The following KCNQ3 variants were observed in gnomAD, a reference collection of about 807,000 sequenced individuals.
KCNQ3 encodes potassium voltage-gated channel subfamily KQT member 3.
A neutral mutation model predicts 92.5 loss-of-function variants in KCNQ3; 30 were observed. That is an observed-to-expected ratio of 0.32 (90% CI 0.24 to 0.44). The LOEUF (loss-of-function observed/expected upper bound fraction) is 0.44. Ranked by LOEUF, KCNQ3 falls within the 20% of genes least tolerant of loss-of-function variation. The pLI is 1.00. For missense variants in KCNQ3, 913 were observed against 1,140.3 expected, an observed-to-expected ratio of 0.80 and a Z score of 2.87; for synonymous variants, 450 against 468.8, an observed-to-expected ratio of 0.96 and a Z score of 0.52.
intron 1 of KCNQ3, among the ~76,000 whole-genome samples, chr8:132,438,650 G>A (rs866025852): frequency 3.9e-5 from 6 of 151,908 alleles, no homozygotes; most frequent in Middle Eastern, 3.4e-3. Flanking sequence ...GCCCTGGCTT[G>A]GGTGGTCTGG....
At chr8:132,442,912 C>T (rs1466179239) in intron 1 of KCNQ3, among the ~76,000 whole-genome samples, 1 of 152,170 alleles carries the variant, frequency 6.6e-6, no homozygotes, top group Admixed American at 6.5e-5. Context: ...CACCCAGCCC[C>T]TTCTCCCTAT....
chr8:132,171,771 C>T (rs1275128604), intron 7 of KCNQ3, among the ~76,000 whole-genome samples: 1 of 152,094 alleles, frequency 6.6e-6, no homozygotes, highest in Non-Finnish European at 1.5e-5. Context: ...CCTATGGGTC[C>T]CTAGGCCAAA....
intron 1 of KCNQ3, among the ~76,000 whole-genome samples, chr8:132,277,108 C>T (rs1038393135): frequency 1.3e-5 from 2 of 151,842 alleles, no homozygotes; most frequent in African/African-American, 4.8e-5. Context: ...TTGATTAAAA[C>T]TTATTATGTG....
At chr8:132,429,861 CAAAAAAAA>C (rs374921143) in intron 1 of KCNQ3, among the ~76,000 whole-genome samples, 2 of 64,102 alleles carry the variant, frequency 3.1e-5, no homozygotes, top group South Asian at 5.8e-4. Context: ...AACTCCTTCT[CAAAAAAAA>C]AAAAAAAAAA....
At chr8:132,221,130 T>C (rs1262746290) in intron 1 of KCNQ3, among the ~76,000 whole-genome samples, 2 of 152,204 alleles carry the variant, frequency 1.3e-5, no homozygotes, top group Non-Finnish European at 2.9e-5. Flanking sequence ...TCCATGTCCC[T>C]GCAAAGGACA....
At chr8:132,403,550 C>G (rs1820403562) in intron 1 of KCNQ3, among the ~76,000 whole-genome samples, 1 of 152,220 alleles carries the variant, frequency 6.6e-6, no homozygotes, top group African/African-American at 2.4e-5. Flanking sequence ...CCTCTCCATG[C>G]CTTAAAAATG....
At chr8:132,399,376 A>G (rs909422366) in intron 1 of KCNQ3, among the ~76,000 whole-genome samples, 1 of 152,144 alleles carries the variant, frequency 6.6e-6, no homozygotes, top group Non-Finnish European at 1.5e-5. Flanking sequence ...CCTGTCCCTC[A>G]GGAAGACACT....
At chr8:132,418,048 T>A (rs1820867933) in intron 1 of KCNQ3, among the ~76,000 whole-genome samples, 1 of 151,998 alleles carries the variant, frequency 6.6e-6, no homozygotes, top group Admixed American at 6.6e-5. Context: ...CAGAGGAGAT[T>A]TCCTGAGATC....
chr8:132,480,429 G>C lies in KCNQ3; in HGVS notation c.104C>G (p.Ala35Gly). The change falls in exon 1 of 15, where the codon GCG becomes GGG. Residue 35 changes from alanine to glycine, a missense_variant. This residue lies in a region of KCNQ3 where 183 missense variants were observed against 167.7 expected (regional missense o/e 1.09). Coordinates refer to ENST00000388996, the MANE Select transcript of KCNQ3 (RefSeq NM_004519.4). ...AANPAGGDAA[A>G]AGDEERKVGL... ...CACTTTCCGCTCCTCGTCGCCGGCC[G>C]CCGCCGCGTCCCCTCCGGCTGGGTT... is the stretch of plus-strand genomic sequence containing the variant. 1 of 1,463,106 alleles carries C rather than the reference G, an allele frequency of 6.8e-7. No homozygotes were observed. The highest frequency in any genetic ancestry group is 9.0e-7 in the Non-Finnish European group (1 of 1,111,144). The allele number at this position is 1,463,106 out of a possible 1,614,324, so 90.6% of individuals were successfully genotyped here.
chr8:132,345,233 T>G (rs568211272), intron 1 of KCNQ3, among the ~76,000 whole-genome samples: 1 of 152,304 alleles, frequency 6.6e-6, no homozygotes, highest in Admixed American at 6.5e-5. Context: ...CATCACCTAC[T>G]TTCTCTCACG....
intron 3 of KCNQ3, among the ~76,000 whole-genome samples, chr8:132,182,062 T>TA (rs1337248723): frequency 1.5e-5 from 2 of 136,954 alleles, no homozygotes; most frequent in African/African-American, 2.7e-5. Context: ...AAAAAAACCA[T>TA]AAAAAACAAA....
At chr8:132,370,891 A>G (rs562043080) in intron 1 of KCNQ3, among the ~76,000 whole-genome samples, 19 of 151,252 alleles carry the variant, frequency 1.3e-4, no homozygotes, top group African/African-American at 4.4e-4. Flanking sequence ...GTCAGTCATC[A>G]TCTCCATTTT....
chr8:132,268,300 T>A (rs1357459177), intron 1 of KCNQ3, among the ~76,000 whole-genome samples: 1 of 152,092 alleles, frequency 6.6e-6, no homozygotes, highest in Non-Finnish European at 1.5e-5. Flanking sequence ...TGAGATGGAG[T>A]CTCACTCAGT....
At chr8:132,155,755 CT>C (rs1471936038) in intron 9 of KCNQ3, among the ~76,000 whole-genome samples, 6 of 152,186 alleles carry the variant, frequency 3.9e-5, no homozygotes, top group Non-Finnish European at 7.3e-5. Context: ...CTAGCTCAAT[CT>C]CTGCCTTCTA....
At chr8:132,170,780 G>C (rs1431107186) in intron 7 of KCNQ3, among the ~76,000 whole-genome samples, 2 of 151,750 alleles carry the variant, frequency 1.3e-5, no homozygotes, top group African/African-American at 4.8e-5. Context: ...GGGAGACCAA[G>C]GTGGGAGGAT....
chr8:132,393,436 C>G (rs1245490451), intron 1 of KCNQ3, among the ~76,000 whole-genome samples: 1 of 152,188 alleles, frequency 6.6e-6, no homozygotes, highest in African/African-American at 2.4e-5. Context: ...AGCACAAAAG[C>G]TGCCACGGAC....
intron 1 of KCNQ3, among the ~76,000 whole-genome samples, chr8:132,426,348 C>T (rs779759090): frequency 6.6e-6 from 1 of 152,194 alleles, no homozygotes; most frequent in African/African-American, 2.4e-5. Context: ...CCCTAAATAG[C>T]GTGTTTCAGT....
At chr8:132,232,791 TG>T (rs1257682913) in intron 1 of KCNQ3, among the ~76,000 whole-genome samples, 11 of 152,192 alleles carry the variant, frequency 7.2e-5, no homozygotes, top group African/African-American at 2.4e-4. Context: ...CAGCTTCCCT[TG>T]TGGATTGGGG....
At chr8:132,149,881 C>A (rs1024893828) in intron 9 of KCNQ3, among the ~76,000 whole-genome samples, 2 of 152,270 alleles carry the variant, frequency 1.3e-5, no homozygotes, top group African/African-American at 4.8e-5. Context: ...TTCCCCCCTC[C>A]CCCAGCCAGA....
Sources: gnomAD v4.1 joint callset for allele counts (sites outside exome capture counted in the v4.1 genomes callset) on GRCh38, gnomAD v4.1.1 for gene constraint, gnomAD v4.1.1 regional missense constraint, MANE v1.5 for transcripts, NCBI Gene and HGNC (gene_info 2026-07-23, HGNC 2026-07-21) for gene names.